Variants in NSMCE2 observed in about 807,000 individuals in gnomAD.
The protein encoded by NSMCE2 is NSE2 SUMO ligase component of SMC5/6 complex, also known as E3 SUMO-protein ligase NSE2.
NSMCE2 carries 24 observed loss-of-function variants against 23.8 expected under a neutral mutation model. That is an observed-to-expected ratio of 1.01 (90% CI 0.73 to 1.42). The LOEUF is 1.42. Ranked by LOEUF, NSMCE2 falls within the 40% of genes most tolerant of loss-of-function variation. The pLI is 0.00. For missense variants in NSMCE2, 284 were observed against 296.5 expected (o/e 0.96, Z 0.31); for synonymous variants, 92 against 94.1 (o/e 0.98, Z 0.13).
intron 5 of NSMCE2, among the ~76,000 whole-genome samples, chr8:125,277,346 T>C (rs1827491787): frequency 6.6e-6 from 1 of 152,152 alleles, no homozygotes. Context: ...ATGATATTCA[T>C]TAGGCACTAG....
intron 3 of NSMCE2, among the ~76,000 whole-genome samples, chr8:125,108,369 G>C (rs1818571398): frequency 6.6e-6 from 1 of 152,150 alleles, no homozygotes; most frequent in Admixed American, 6.5e-5. Flanking sequence ...GAAATTGGAG[G>C]GTAGATCAGC....
intron 3 of NSMCE2, among the ~76,000 whole-genome samples, chr8:125,131,962 C>T (rs536328182): frequency 9.9e-5 from 15 of 152,212 alleles, no homozygotes; most frequent in Non-Finnish European, 1.5e-4. Context: ...TCTATGTTAA[C>T]AACATTGTAA....
chr8:125,245,819 G>A (rs1005736551), intron 5 of NSMCE2, among the ~76,000 whole-genome samples: 1 of 152,080 alleles, frequency 6.6e-6, no homozygotes, highest in African/African-American at 2.4e-5. Context: ...GATCACCAGA[G>A]GTCAGGAATC....
chr8:125,208,142 G>A (rs1055458106), intron 5 of NSMCE2, among the ~76,000 whole-genome samples: 2 of 152,156 alleles, frequency 1.3e-5, no homozygotes, highest in African/African-American at 4.8e-5. Flanking sequence ...GTGTGTGTGT[G>A]TTTCATTCAT....
At chr8:125,274,252 C>CA (rs944112993) in intron 5 of NSMCE2, among the ~76,000 whole-genome samples, 9 of 150,740 alleles carry the variant, frequency 6.0e-5, no homozygotes, top group South Asian at 2.1e-4. Flanking sequence ...GAAAATGAAA[C>CA]AAAAAAAAAC....
At chr8:125,195,097 A>G (rs1375675683) in intron 5 of NSMCE2, among the ~76,000 whole-genome samples, 1 of 152,134 alleles carries the variant, frequency 6.6e-6, no homozygotes, top group Non-Finnish European at 1.5e-5. Flanking sequence ...GGAGAGTAAG[A>G]CTGAATTTTC....
intron 5 of NSMCE2, among the ~76,000 whole-genome samples, chr8:125,196,269 G>T (rs1160656277): frequency 6.6e-6 from 1 of 150,418 alleles, no homozygotes; most frequent in Non-Finnish European, 1.5e-5. Context: ...TTGTTACATA[G>T]GTATACATGT....
intron 5 of NSMCE2, among the ~76,000 whole-genome samples, chr8:125,323,096 A>T (rs1453068188): frequency 6.6e-6 from 1 of 152,222 alleles, no homozygotes. Flanking sequence ...CTATCGATGT[A>T]TCTGACTAAA....
chr8:125,318,465 T>C (rs1050912604), intron 5 of NSMCE2, among the ~76,000 whole-genome samples: 1 of 152,190 alleles, frequency 6.6e-6, no homozygotes, highest in Non-Finnish European at 1.5e-5. Flanking sequence ...TCTGATAATA[T>C]TCAGTGTTGC....
At chr8:125,164,946 T>G (rs1254696252) in intron 4 of NSMCE2, among the ~76,000 whole-genome samples, 1 of 152,218 alleles carries the variant, frequency 6.6e-6, no homozygotes, top group Non-Finnish European at 1.5e-5. Context: ...TTGTTCATGA[T>G]CAATTCTTAG....
intron 5 of NSMCE2, among the ~76,000 whole-genome samples, chr8:125,192,881 A>G (rs1338894913): frequency 6.6e-6 from 1 of 152,188 alleles, no homozygotes; most frequent in South Asian, 2.1e-4. Flanking sequence ...TACTGCTAAC[A>G]TGTGCTGTCT....
At chr8:125,165,325 G>C (rs531524498) in intron 4 of NSMCE2, among the ~76,000 whole-genome samples, 1 of 152,318 alleles carries the variant, frequency 6.6e-6, no homozygotes, top group Admixed American at 6.5e-5. Context: ...CAAGGTAGTT[G>C]TGAAATTAAA....
chr8:125,193,169 T>G (rs747670713), intron 5 of NSMCE2, among the ~76,000 whole-genome samples: 3 of 152,202 alleles, frequency 2.0e-5, no homozygotes, highest in Non-Finnish European at 2.9e-5. Flanking sequence ...AAGTTGAGTA[T>G]TCAGTATGAT....
At chr8:125,176,336 G>A (rs1004481432) in intron 4 of NSMCE2, among the ~76,000 whole-genome samples, 1 of 152,140 alleles carries the variant, frequency 6.6e-6, no homozygotes, top group Non-Finnish European at 1.5e-5. Context: ...GACAGATCTC[G>A]AAATTCCTTC....
At chr8:125,316,718 CTTT>C (rs1427580229) in intron 5 of NSMCE2, among the ~76,000 whole-genome samples, 23,335 of 84,214 alleles carry the variant, frequency 0.28, 3,319 homozygotes, top group Non-Finnish European at 0.34. Context: ...TTCTTTCCTT[CTTT>C]CTTTCCTTCT....
intron 5 of NSMCE2, among the ~76,000 whole-genome samples, chr8:125,353,432 G>A (rs1280572466): frequency 6.6e-6 from 1 of 152,108 alleles, no homozygotes; most frequent in Non-Finnish European, 1.5e-5. Context: ...AAGAGTCAGT[G>A]GATTGATAAA....
chr8:125,225,627 C>T (rs2130929288), intron 5 of NSMCE2, among the ~76,000 whole-genome samples: 1 of 152,308 alleles, frequency 6.6e-6, no homozygotes, highest in Non-Finnish European at 1.5e-5. Context: ...GTTTGTTTCA[C>T]ATTGTGCTCT....
At chr8:125,250,754 G>T (rs867262525) in intron 5 of NSMCE2, among the ~76,000 whole-genome samples, 67 of 152,184 alleles carry the variant, frequency 4.4e-4, no homozygotes, top group African/African-American at 1.5e-3. Context: ...CAGCTCAAGA[G>T]ATCCTCCAAC....
intron 3 of NSMCE2, among the ~76,000 whole-genome samples, chr8:125,114,790 C>G (rs1818918119): frequency 6.6e-6 from 1 of 152,332 alleles, no homozygotes; most frequent in African/African-American, 2.4e-5. Flanking sequence ...TATACACATA[C>G]ATACACATAC....
Sources: allele counts gnomAD v4.1 joint callset (sites outside exome capture counted in the v4.1 genomes callset), GRCh38; gene constraint gnomAD v4.1.1; transcripts MANE v1.5; gene names NCBI Gene and HGNC (gene_info 2026-07-23, HGNC 2026-07-21).